STON2: variants seen among roughly 807,000 people sequenced by gnomAD.
The protein encoded by STON2 is stonin-2.
In STON2, 29 loss-of-function variants were observed where a neutral mutation model predicts 65.7. The observed-to-expected ratio is 0.44, with a 90% CI of 0.33 to 0.60. STON2 has a LOEUF of 0.60. STON2 is among the 20% of genes least tolerant of loss of function. The pLI is 0.03. For missense variants in STON2, 1,054 were observed against 1,118.1 expected, an observed-to-expected ratio of 0.94 and a Z score of 0.82; for synonymous variants, 404 against 414.2, an observed-to-expected ratio of 0.98 and a Z score of 0.30.
At chr14:81,345,653 T>A (rs1355400410) in intron 4 of STON2, among the ~76,000 whole-genome samples, 1 of 151,962 alleles carries the variant, frequency 6.6e-6, no homozygotes, top group Non-Finnish European at 1.5e-5. Context: ...CCCAGCTATG[T>A]GGGAGGCTGA....
intron 3 of STON2, among the ~76,000 whole-genome samples, chr14:81,389,361 C>A (rs943480295): frequency 6.6e-6 from 1 of 152,164 alleles, no homozygotes; most frequent in Non-Finnish European, 1.5e-5. Flanking sequence ...AAATACAGCA[C>A]ACCAAACACC....
chr14:81,287,858 T>C (rs1021331354), intron 5 of STON2, among the ~76,000 whole-genome samples: 3 of 152,194 alleles, frequency 2.0e-5, no homozygotes, highest in Admixed American at 1.3e-4. Flanking sequence ...ATTGGTTCCC[T>C]GCCTCAATGT....
rs543733188 is a variant in STON2, at chr14:81,273,630, G to A, written c.2582-2758C>T. Reference sequence around the variant, plus strand: ...CCACGTATGTGGCTGGGCTGGGCCAGGCTGGGCTGGGCCCCGCCGGCGGGA... The same window carrying A: ...CCACGTATGTGGCTGGGCTGGGCCAAGCTGGGCTGGGCCCCGCCGGCGGGA... On this transcript the variant is annotated intron_variant, in intron 6 of 7. Transcript: ENST00000614646. Among the ~76,000 whole-genome samples the A allele has an allele frequency of 1.6e-4, 25 of 152,178 alleles. 1 individual carries two copies. In the East Asian group the frequency reaches 4.9e-3, roughly 30 times the overall value.
At position 81,413,164 on chromosome 14, in the gene STON2, C is replaced by T. The variant is rs371396314; in HGVS notation, c.-199+13938G>A. 1,294 of 1,461,286 alleles carry T rather than the reference C, an allele frequency of 8.9e-4. 291 individuals carry two copies. In the South Asian group the frequency reaches 0.011, roughly 12 times the overall value. The allele number at this position is 1,461,286 out of a possible 1,614,324, so 90.5% of individuals were successfully genotyped here. ...TCGTGGGGAGGAACTTCAGTAGTTA[C>T]GTGACACATGAAACCAAACACTTCA... On this transcript the variant is annotated intron_variant, in intron 2 of 8. Coordinates refer to the STON2 transcript ENST00000553821.
Position 81,268,383 on chromosome 14 carries a change from T to C in STON2, c.*31A>G, listed in dbSNP as rs2140093901. 7.8e-7 allele frequency: 1 copy of C among 1,288,966 alleles called. No individual in the cohort carries two copies. The highest frequency in any genetic ancestry group is 1.2e-5 in the South Asian group (1 of 80,766). The allele number at this position is 1,288,966 out of a possible 1,614,324, so 79.8% of individuals were successfully genotyped here. On this transcript the variant is annotated 3_prime_UTR_variant, in exon 8 of 8. Coordinates refer to ENST00000614646, the MANE Select transcript of STON2 (RefSeq NM_001394390.1). The stretch of plus-strand genomic sequence containing the variant: ...TCAGGAAGACACCCTATCATGACTC[T>C]GGGATCAGGATTCCTTGCCGCAAGG...
At chr14:81,314,893 C>T (rs983121108) in intron 5 of STON2, among the ~76,000 whole-genome samples, 3 of 151,964 alleles carry the variant, frequency 2.0e-5, no homozygotes, top group African/African-American at 4.8e-5. Context: ...CTCTGTTGCC[C>T]AAGGTGGAGT....
intron 1 of STON2, among the ~76,000 whole-genome samples, chr14:81,435,213 C>A (rs539320432): frequency 1.3e-5 from 2 of 152,228 alleles, no homozygotes; most frequent in Non-Finnish European, 2.9e-5. Flanking sequence ...TTACCGCCCC[C>A]CAAAAGGACA....
chr14:81,349,429 T>C (rs2140311601), intron 4 of STON2, among the ~76,000 whole-genome samples: 1 of 151,880 alleles, frequency 6.6e-6, no homozygotes, highest in East Asian at 1.9e-4. Context: ...GGGCAAAGGA[T>C]CAAACAGACA....
Position 81,263,994 on chromosome 14 carries a change from G to A in STON2, c.*4420C>T, listed in dbSNP as rs950497443. On this transcript the variant is annotated 3_prime_UTR_variant, in exon 8 of 8. Transcript: ENST00000614646. ...AAATAAATGCAAAGTAACGGTCAGC[G>A]GTTAGTGCTGGAAGAACAAAGACCT... 9.1e-6 allele frequency: 9 copies of A among 985,244 alleles called. No individual in the cohort carries two copies. The highest frequency in any genetic ancestry group is 1.1e-4 in the East Asian group (1 of 8,818). 61.0% of individuals were successfully genotyped at this position (985,244 alleles called of 1,614,324 possible).
intron 2 of STON2, among the ~76,000 whole-genome samples, chr14:81,416,607 T>C (rs1901448394): frequency 6.6e-6 from 1 of 152,212 alleles, no homozygotes; most frequent in Non-Finnish European, 1.5e-5. Flanking sequence ...GGTGGCAACC[T>C]GCCTGTCTGG....
At chr14:81,373,999 CTTTTTTTTTT>C (rs57877137) in intron 3 of STON2, among the ~76,000 whole-genome samples, 5 of 60,470 alleles carry the variant, frequency 8.3e-5, no homozygotes, top group South Asian at 9.0e-4. Context: ...ATAATAATGC[CTTTTTTTTTT>C]TTTTTTTTTT....
At chr14:81,270,909 G>A in intron 6 of STON2, 37 bp from the exon 7 acceptor site, 1 of 1,598,896 alleles carries the variant, frequency 6.3e-7, no homozygotes, top group Non-Finnish European at 8.5e-7. Context: ...CAGATTATTT[G>A]GGGAGAAAGT....
intron 2 of STON2, chr14:81,418,365 C>T (rs1289926329): frequency 2.0e-5 from 3 of 152,160 alleles, no homozygotes; most frequent in Non-Finnish European, 2.9e-5. Flanking sequence ...AATGACCTCC[C>T]ACCAAGTCCC....
intron 3 of STON2, among the ~76,000 whole-genome samples, chr14:81,393,989 G>A (rs367567240): frequency 3.9e-5 from 6 of 152,114 alleles, no homozygotes; most frequent in South Asian, 2.1e-4. Flanking sequence ...CAAGGAGTTC[G>A]AAACCAGCCT....
chr14:81,341,543 C>A (rs956604133), intron 4 of STON2, among the ~76,000 whole-genome samples: 2 of 144,530 alleles, frequency 1.4e-5, no homozygotes, highest in South Asian at 2.3e-4. Flanking sequence ...GTATTACTAA[C>A]CTAAATCATC....
At chr14:81,311,058 T>A (rs1476403090) in intron 5 of STON2, among the ~76,000 whole-genome samples, 2 of 152,136 alleles carry the variant, frequency 1.3e-5, no homozygotes, top group African/African-American at 4.8e-5. Context: ...GGATTTGAGC[T>A]AAAAGGCAAG....
chr14:81,270,700 C>A lies in STON2; in HGVS notation c.2754G>T (p.Trp918Cys), dbSNP rs1894543546. 6.2e-7 allele frequency: 1 copy of A among 1,614,004 alleles called. No homozygotes were observed. Among genetic ancestry groups the A allele is most frequent in the East Asian group, 2.2e-5 (1 of 44,880 alleles). Residue 918 changes from tryptophan (W) to cysteine (C), a missense_variant, in exon 7 of 8, where the codon TGG becomes TGT. By Grantham distance (215) the Trp-to-Cys change is radical. Coordinates refer to ENST00000614646, the MANE Select transcript of STON2 (RefSeq NM_001394390.1). Reference protein sequence around the residue: ...SVEDKTDVRKWVNYSAHYSYQ... With the variant: ...SVEDKTDVRKCVNYSAHYSYQ... ...AGCTGTAGTGTGCAGAATAATTGACCCACTTCCTGACGTCAGTCTTGTCTT... is the reference window on the plus strand; with the variant it reads ...AGCTGTAGTGTGCAGAATAATTGACACACTTCCTGACGTCAGTCTTGTCTT...
intron 2 of STON2, among the ~76,000 whole-genome samples, chr14:81,406,141 C>G (rs889490121): frequency 1.7e-4 from 26 of 152,184 alleles, no homozygotes; most frequent in African/African-American, 6.3e-4. Flanking sequence ...TGTCGGCTTC[C>G]CTACTTTTGA....
intron 2 of STON2, among the ~76,000 whole-genome samples, chr14:81,423,529 G>C (rs1260477957): frequency 6.6e-6 from 1 of 152,176 alleles, no homozygotes; most frequent in East Asian, 1.9e-4. Flanking sequence ...AAGGAAGCCA[G>C]GCACTGTGGC....
Sources: gnomAD v4.1 joint callset for allele counts (sites outside exome capture counted in the v4.1 genomes callset) on GRCh38, gnomAD v4.1.1 for gene constraint, MANE v1.5 for transcripts, NCBI Gene and HGNC (gene_info 2026-07-23, HGNC 2026-07-21) for gene names.